SNX10: variants seen among roughly 807,000 people sequenced by gnomAD.
SNX10 encodes the protein sorting nexin-10.
Under a neutral mutation model 28.5 loss-of-function variants are expected in SNX10, and 25 were observed. That is an observed-to-expected ratio of 0.88 (90% CI 0.64 to 1.22). The LOEUF is 1.22. SNX10 is among the 50% of genes most tolerant of loss of function. The pLI, the probability that SNX10 is intolerant of heterozygous loss-of-function variation, is 0.00. For missense variants in SNX10, 223 were observed against 242.6 expected, an observed-to-expected ratio of 0.92 and a Z score of 0.54; for synonymous variants, 62 against 81.4, an observed-to-expected ratio of 0.76 and a Z score of 1.28.
At chr7:26,341,587 T>C (rs1852859) in intron 1 of SNX10, among the ~76,000 whole-genome samples, 29,953 of 151,732 alleles carry the variant, frequency 0.2, 3,522 homozygotes, top group East Asian at 0.44. Flanking sequence ...CTTGGCTTCC[T>C]GGGTTCAAGC....
chr7:26,292,528 G>T (rs1026590478), intron 1 of SNX10, among the ~76,000 whole-genome samples: 4 of 152,138 alleles, frequency 2.6e-5, no homozygotes, highest in African/African-American at 9.7e-5. Context: ...GGGTAGGCAG[G>T]TTTATTCGTG....
At chr7:26,369,753 G>T (rs562658005) in intron 5 of SNX10, among the ~76,000 whole-genome samples, 167 of 152,232 alleles carry the variant, frequency 1.1e-3, no homozygotes, top group African/African-American at 3.9e-3. Flanking sequence ...AAAAGAAAAC[G>T]CTGGGAAATA....
At chr7:26,306,562 G>T (rs1786601495) in intron 1 of SNX10, among the ~76,000 whole-genome samples, 1 of 151,758 alleles carries the variant, frequency 6.6e-6, no homozygotes, top group Non-Finnish European at 1.5e-5. Flanking sequence ...GCACCACCAT[G>T]CCTGGCTAAT....
At chr7:26,368,968 C>T (rs1584180397) in intron 5 of SNX10, among the ~76,000 whole-genome samples, 1 of 151,990 alleles carries the variant, frequency 6.6e-6, no homozygotes, top group East Asian at 1.9e-4. Flanking sequence ...CTCAGCTAAA[C>T]CAGCATATAA....
At chr7:26,307,286 C>G (rs1158619971) in intron 1 of SNX10, among the ~76,000 whole-genome samples, 1 of 152,202 alleles carries the variant, frequency 6.6e-6, no homozygotes, top group African/African-American at 2.4e-5. Flanking sequence ...CCCCAACACC[C>G]TAACATGTTC....
chr7:26,323,524 G>A (rs1787386163), intron 1 of SNX10, among the ~76,000 whole-genome samples: 1 of 152,170 alleles, frequency 6.6e-6, no homozygotes, highest in Non-Finnish European at 1.5e-5. Context: ...ACACAGAGGA[G>A]AGGAAGAGAG....
chr7:26,295,795 A>C (rs1786083876), intron 1 of SNX10, among the ~76,000 whole-genome samples: 2 of 152,186 alleles, frequency 1.3e-5, no homozygotes, highest in South Asian at 4.1e-4. Flanking sequence ...GAGCCACTTT[A>C]CTCTGATTTG....
rs149455907 is a variant in SNX10 at position 26,345,620 on chromosome 7, T to C, written c.-23-800T>C. ...GACATGAGTATAGAGACTCTGGGAA[T>C]ACGTGTGGGGGATAATAGGGACCCG... On this transcript the variant is annotated intron_variant, in intron 1 of 6. Transcript: ENST00000338523. Among the ~76,000 whole-genome samples, 564 of 152,248 alleles carry C rather than the reference T, an allele frequency of 3.7e-3. 2 individuals carry two copies. The highest frequency in any genetic ancestry group is 0.013 in the African/African-American group (542 of 41,522).
chr7:26,322,479 C>G (rs1787348128), intron 1 of SNX10, among the ~76,000 whole-genome samples: 1 of 152,172 alleles, frequency 6.6e-6, no homozygotes, highest in Admixed American at 6.5e-5. Context: ...CATTGTCTTT[C>G]TTTTCCCCAA....
chr7:26,339,427 AT>A (rs1442661759), intron 1 of SNX10, among the ~76,000 whole-genome samples: 2 of 150,924 alleles, frequency 1.3e-5, no homozygotes, highest in African/African-American at 2.4e-5. Flanking sequence ...GTATAAATTT[AT>A]GGGGTTCAAG....
At chr7:26,302,815 G>A (rs1043153036) in intron 1 of SNX10, among the ~76,000 whole-genome samples, 2 of 152,144 alleles carry the variant, frequency 1.3e-5, no homozygotes, top group African/African-American at 4.8e-5. Flanking sequence ...TTGGGAGGCC[G>A]AGGCGGGTGG....
chr7:26,358,805 GTTTTTT>G (rs35527687), intron 2 of SNX10, among the ~76,000 whole-genome samples: 14 of 100,112 alleles, frequency 1.4e-4, no homozygotes, highest in Non-Finnish European at 2.4e-4. Flanking sequence ...GTTATCTTGT[GTTTTTT>G]TTTTTTTTTT....
chr7:26,366,700 T>C (rs1789302459), intron 5 of SNX10, among the ~76,000 whole-genome samples: 2 of 152,366 alleles, frequency 1.3e-5, no homozygotes, highest in South Asian at 4.1e-4. Flanking sequence ...TGTGGCATCT[T>C]GTCTTCTGTA....
intron 5 of SNX10, chr7:26,370,370 A>G (rs1348019223): frequency 6.6e-6 from 1 of 152,242 alleles, no homozygotes; most frequent in African/African-American, 2.4e-5. Context: ...TTATCATGTG[A>G]CATGGTCATC....
intron 3 of SNX10, among the ~76,000 whole-genome samples, chr7:26,363,656 C>T (rs1280784931): frequency 1.3e-5 from 2 of 152,112 alleles, no homozygotes; most frequent in East Asian, 1.9e-4. Context: ...TATTTACTCT[C>T]GTCTTATGTT....
At chr7:26,297,689 T>C (rs1331630378) in intron 1 of SNX10, among the ~76,000 whole-genome samples, 1 of 152,150 alleles carries the variant, frequency 6.6e-6, no homozygotes, top group African/African-American at 2.4e-5. Flanking sequence ...GGGCCTTCCA[T>C]ACCTGCCCCT....
At chr7:26,354,734 G>A (rs1031837748) in intron 2 of SNX10, among the ~76,000 whole-genome samples, 1 of 152,028 alleles carries the variant, frequency 6.6e-6, no homozygotes, top group Admixed American at 6.6e-5. Context: ...TTTATGGGAT[G>A]TGTAGTTTGC....
rs1788377397 is a variant in SNX10, at chr7:26,346,123, C to T, written c.-23-297C>T. Among the ~76,000 whole-genome samples the T allele has an allele frequency of 2.0e-5, 3 of 152,192 alleles. No homozygotes were observed. The South Asian group carries it at 6.2e-4, about 32-fold the overall frequency. The stretch of plus-strand genomic sequence containing the variant: ...CTCCCCGGCATCTCCAGCTTCCTCG[C>T]CAATTCACTAAGGCTCCAGCCCCAG... On this transcript the variant is annotated intron_variant, in intron 1 of 6. Transcript: ENST00000338523.
Position 26,335,735 on chromosome 7 carries a change from C to CTTTTTTTT in SNX10, c.-23-10666_-23-10659dup, listed in dbSNP as rs57340085. Among the ~76,000 whole-genome samples, 8 of 84,254 alleles carry CTTTTTTTT rather than the reference C, an allele frequency of 9.5e-5. 1 individual carries two copies. The highest frequency in any genetic ancestry group is 9.2e-5 in the African/African-American group (2 of 21,760). The allele number at this position is 84,254 out of a possible 152,430, so 55.3% of individuals were successfully genotyped here. A position where few individuals can be genotyped will look rare whatever the true frequency, so the allele number is the denominator to read the frequency against. On this transcript the variant is annotated intron_variant, in intron 1 of 6. Transcript: ENST00000338523. ...AAAATAACCTCGCAGATGGAATATT[C>CTTTTTTTT]TTTTTTTTTTTTTTTTTTTTTTTTT...
Sources: gnomAD v4.1 joint callset for allele counts (sites outside exome capture counted in the v4.1 genomes callset) on GRCh38, gnomAD v4.1.1 for gene constraint, MANE v1.5 for transcripts, NCBI Gene and HGNC (gene_info 2026-07-23, HGNC 2026-07-21) for gene names.